The following PDZD9 variants were observed in gnomAD, a reference collection of about 807,000 sequenced individuals.
PDZD9 encodes the protein PDZ domain containing 9.
In PDZD9, 13 loss-of-function variants were observed where a neutral mutation model predicts 16.3. The observed-to-expected ratio is 0.80, with a 90% confidence interval of 0.52 to 1.27. The LOEUF (loss-of-function observed/expected upper bound fraction) is 1.27. Ranked by LOEUF, PDZD9 falls within the 50% of genes most tolerant of loss-of-function variation. The pLI is 0.00. For synonymous variants in PDZD9, 120 were observed against 111.0 expected (o/e 1.08, Z -0.51); for missense variants, 288 against 310.9 (o/e 0.93, Z 0.55).
the PDZD9 span, among the ~76,000 whole-genome samples, chr16:21,978,674 C>T: frequency 6.6e-6 from 1 of 152,178 alleles, no homozygotes; most frequent in African/African-American, 2.4e-5. Flanking sequence ...AGTATAATTT[C>T]GTACTGACAG....
the PDZD9 span, among the ~76,000 whole-genome samples, chr16:21,978,302 A>T: frequency 1.3e-5 from 2 of 152,210 alleles, no homozygotes; most frequent in Admixed American, 6.5e-5. Context: ...TGCAGCATTA[A>T]ATTGTAATTA....
In PDZD9 at chr16:21,984,414, C is replaced by T. The variant is rs1175883868; in HGVS notation, c.648G>A (p.Val216=). Residue 216 remains valine (V), a synonymous_variant, in exon 4 of 4, where the codon GTG becomes GTA. Coordinates refer to ENST00000424898, the MANE Select transcript of PDZD9 (RefSeq NM_001363519.1). ...VMIHRDDKKE[V]RAPSPYWIMV... ...TTATCCAGTATGGAGAAGGGGCCCT[C>T]ACTTCTTTCTTGTCGTCTCTGTGAA... 1 of 1,614,140 alleles carries T rather than the reference C, an allele frequency of 6.2e-7. No individual in the cohort carries two copies. Among genetic ancestry groups the T allele is most frequent in the East Asian group, 2.2e-5 (1 of 44,874 alleles).
At chr16:21,987,612 A>G (rs1285688352) in intron 3 of PDZD9, among the ~76,000 whole-genome samples, 4 of 152,066 alleles carry the variant, frequency 2.6e-5, no homozygotes, top group Admixed American at 6.6e-5. Context: ...TCAAGAAGAG[A>G]GTGGGTGGAA....
At chr16:21,990,596 T>C (rs1272649932) in intron 2 of PDZD9, among the ~76,000 whole-genome samples, 1 of 152,200 alleles carries the variant, frequency 6.6e-6, no homozygotes, top group African/African-American at 2.4e-5. Context: ...TACCTGCAGC[T>C]TGAGCAATAT....
chr16:21,993,434 C>T (rs910575776), intron 2 of PDZD9, among the ~76,000 whole-genome samples: 7 of 152,142 alleles, frequency 4.6e-5, no homozygotes, highest in African/African-American at 1.2e-4. Context: ...CTCCACCGGC[C>T]GCCGTTTATT....
rs138260177 is a variant in PDZD9 at position 21,997,670 on chromosome 16, A to G, written c.32-1169T>C. On this transcript the variant is annotated intron_variant, in intron 1 of 3. Coordinates refer to ENST00000424898, the MANE Select transcript of PDZD9 (RefSeq NM_001363519.1). Reference sequence around the variant, plus strand: ...AAGGGGTAGTGGGAGAGGTTGAAATATGTTTTCTACAGAACCAAATCTCAC... The same window carrying G: ...AAGGGGTAGTGGGAGAGGTTGAAATGTGTTTTCTACAGAACCAAATCTCAC... Among the ~76,000 whole-genome samples the G allele has an allele frequency of 3.1e-3, 471 of 152,338 alleles. 4 individuals carry two copies. Among genetic ancestry groups the G allele is most frequent in the Non-Finnish European group, 4.1e-3 (279 of 68,030 alleles).
downstream of PDZD9, chr16:21,980,758 T>G (rs1898704571): frequency 2.5e-6 from 4 of 1,593,566 alleles, no homozygotes; most frequent in Admixed American, 6.8e-5. Context: ...AATGATCCAA[T>G]TTCAGAAGGA....
the PDZD9 span, chr16:21,965,443 A>C: frequency 1.2e-6 from 2 of 1,613,938 alleles, no homozygotes; most frequent in Non-Finnish European, 1.7e-6. Context: ...AGCTTACCGG[A>C]ATGCCTTGGC....
downstream of PDZD9, chr16:21,983,326 G>T (rs1295543807): frequency 4.9e-6 from 3 of 609,422 alleles, no homozygotes; most frequent in Non-Finnish European, 8.3e-6. Flanking sequence ...CTGACCTAAA[G>T]TCAATAAAAC....
At chr16:21,962,682 G>A in the PDZD9 span, 5 of 1,601,618 alleles carry the variant, frequency 3.1e-6, no homozygotes, top group Non-Finnish European at 4.3e-6. Flanking sequence ...TTCACATTGA[G>A]AGCATTACAG....
chr16:21,994,948 A>G (rs921216910), intron 2 of PDZD9, among the ~76,000 whole-genome samples: 7 of 151,862 alleles, frequency 4.6e-5, no homozygotes, highest in Non-Finnish European at 1.0e-4. Context: ...CTCCCACCTC[A>G]GCCTCCTGAG....
At chr16:21,968,199 G>A in the PDZD9 span, among the ~76,000 whole-genome samples, 2 of 151,852 alleles carry the variant, frequency 1.3e-5, no homozygotes, top group Non-Finnish European at 2.9e-5. Context: ...TCAGGATTTC[G>A]CTGTGTTGCC....
the PDZD9 span, among the ~76,000 whole-genome samples, chr16:21,958,332 G>C: frequency 6.6e-6 from 1 of 152,128 alleles, no homozygotes; most frequent in Non-Finnish European, 1.5e-5. Flanking sequence ...TTTGACAGTG[G>C]AAATTTTACA....
the PDZD9 span, among the ~76,000 whole-genome samples, chr16:21,974,374 A>C: frequency 6.6e-5 from 10 of 152,222 alleles, no homozygotes; most frequent in Non-Finnish European, 1.5e-4. Flanking sequence ...TCTGGGAAAC[A>C]ACACCATTTA....
chr16:21,984,691 A>C (rs779018128), intron 3 of PDZD9, 31 bp from the exon 4 acceptor site: 3 of 1,453,312 alleles, frequency 2.1e-6, no homozygotes, highest in Non-Finnish European at 2.7e-6. Context: ...AATAAAATAG[A>C]TTCTTCATGT....
At chr16:21,996,254 G>T in intron 2 of PDZD9, 68 bp downstream of exon 2, 1 of 1,435,650 alleles carries the variant, frequency 7.0e-7, no homozygotes, top group South Asian at 1.3e-5. Context: ...GAAACCCGGT[G>T]ACCCGAGTCA....
At chr16:21,970,094 T>TA in the PDZD9 span, among the ~76,000 whole-genome samples, 5 of 152,160 alleles carry the variant, frequency 3.3e-5, no homozygotes, top group Admixed American at 3.3e-4. Context: ...TGGCTTTTCT[T>TA]ACTTAGCATA....
chr16:21,984,663 G>A lies in PDZD9; in HGVS notation c.402-3C>T, dbSNP rs1179200319. On this transcript the variant is annotated splice_region_variant and splice_polypyrimidine_tract_variant and intron_variant, in intron 3 of 3. Transcript: ENST00000424898. ...CCAGCTCAATTTTCTTTGGTGTGCTGAAATGAAAAGAATAGTGAATAAAAT... is the reference window on the plus strand; with the variant it reads ...CCAGCTCAATTTTCTTTGGTGTGCTAAAATGAAAAGAATAGTGAATAAAAT... The A allele has an allele frequency of 6.7e-7, 1 of 1,494,390 alleles. No individual in the cohort carries two copies. Among genetic ancestry groups the A allele is most frequent in the Non-Finnish European group, 8.9e-7 (1 of 1,121,682 alleles). The allele number at this position is 1,494,390 out of a possible 1,614,324, so 92.6% of individuals were successfully genotyped here.
chr16:21,965,360 C>A, the PDZD9 span: 4 of 1,571,738 alleles, frequency 2.5e-6, no homozygotes, highest in Non-Finnish European at 2.6e-6. Context: ...AAAATGTTGT[C>A]TTTACTGAAA....
Sources: allele counts gnomAD v4.1 joint callset (sites outside exome capture counted in the v4.1 genomes callset), GRCh38; gene constraint gnomAD v4.1.1; transcripts MANE v1.5; gene names NCBI Gene and HGNC (gene_info 2026-07-23, HGNC 2026-07-21).